Variants in COA5 observed in about 807,000 individuals in gnomAD.
COA5 encodes cytochrome c oxidase assembly factor 5, also known as protein C2orf64.
COA5 carries 11 observed loss-of-function variants against 11.8 expected under a neutral mutation model. The observed-to-expected ratio is 0.93, with a 90% CI of 0.59 to 1.54. COA5 has a LOEUF of 1.54. Ranked by LOEUF, COA5 falls within the 40% of genes most tolerant of loss-of-function variation. The probability of loss-of-function intolerance (pLI) is 0.00; values close to 1 mark genes in which losing one functional copy is unlikely to be tolerated. For synonymous variants in COA5, 38 were observed against 37.5 expected (o/e 1.01, Z -0.05); for missense variants, 87 against 89.2 (o/e 0.97, Z 0.10).
intron 2 of COA5, among the ~76,000 whole-genome samples, chr2:98,601,532 G>A (rs1700641637): frequency 6.6e-6 from 1 of 152,312 alleles, no homozygotes; most frequent in African/African-American, 2.4e-5. Flanking sequence ...AAGCCTCACA[G>A]TGCAGTCATT....
intron 1 of COA5, among the ~76,000 whole-genome samples, chr2:98,607,875 A>G (rs1158549088): frequency 1.3e-5 from 2 of 152,268 alleles, no homozygotes; most frequent in African/African-American, 2.4e-5. Flanking sequence ...AGTCAAACTG[A>G]GCACACATTG....
chr2:98,607,333 A>G (rs1700720797), intron 1 of COA5, among the ~76,000 whole-genome samples: 1 of 152,216 alleles, frequency 6.6e-6, no homozygotes, highest in South Asian at 2.1e-4. Flanking sequence ...GCCTGAAAAC[A>G]ACGGTACTTC....
chr2:98,608,474 G>T lies in COA5; in HGVS notation c.-69C>A. The T allele has an allele frequency of 8.1e-7, 1 of 1,233,798 alleles. No homozygotes were observed. Among genetic ancestry groups the T allele is most frequent in the East Asian group, 2.5e-5 (1 of 39,636 alleles). The allele number at this position is 1,233,798 out of a possible 1,614,324, so 76.4% of individuals were successfully genotyped here. ...CAACACTTGCAACCGGGTCGGGAGC[G>T]AGCGAGGCCCCAGTCTCAGGGGACC... On this transcript the variant is annotated 5_prime_UTR_variant, in exon 1 of 3. Transcript: ENST00000328709.
At chr2:98,608,149 C>T in intron 1 of COA5, 158 bp downstream of exon 1, 1 of 646,102 alleles carries the variant, frequency 1.5e-6, no homozygotes, top group Non-Finnish European at 2.8e-6. Flanking sequence ...GGGGCTCCGA[C>T]AGCTCAGTGG....
intron 2 of COA5, chr2:98,602,422 GGA>G (rs1700653794): frequency 6.6e-6 from 1 of 152,200 alleles, no homozygotes; most frequent in African/African-American, 2.4e-5. Flanking sequence ...ACTCTGGGAG[GGA>G]GAGGTGGGTG....
At position 98,600,661 on chromosome 2, in the gene COA5, T is replaced by C; in HGVS notation, c.*91A>G. The C allele has an allele frequency of 9.3e-7, 1 of 1,077,818 alleles. No individual in the cohort carries two copies. Among genetic ancestry groups the C allele is most frequent in the Non-Finnish European group, 1.4e-6 (1 of 712,082 alleles). The allele number at this position is 1,077,818 out of a possible 1,614,324, so 66.8% of individuals were successfully genotyped here. A position where few individuals can be genotyped will look rare whatever the true frequency, so the allele number is the denominator to read the frequency against. On this transcript the variant is annotated 3_prime_UTR_variant, in exon 3 of 3. Coordinates refer to ENST00000328709, the MANE Select transcript of COA5 (RefSeq NM_001008215.3). Reference sequence around the variant, plus strand: ...GAAATCTGGTCCAACCAAACAGATGTAGTAAAAAGTATGTTTCCTGTTTTG... The same window carrying C: ...GAAATCTGGTCCAACCAAACAGATGCAGTAAAAAGTATGTTTCCTGTTTTG...
At chr2:98,605,594 A>T (rs1700696700) in intron 1 of COA5, among the ~76,000 whole-genome samples, 1 of 152,224 alleles carries the variant, frequency 6.6e-6, no homozygotes, top group Non-Finnish European at 1.5e-5. Flanking sequence ...ATGCACTTGA[A>T]TCTATATTCT....
chr2:98,608,263 C>G, intron 1 of COA5, 44 bp downstream of exon 1: 1 of 1,460,742 alleles, frequency 6.8e-7, no homozygotes, highest in Non-Finnish European at 9.4e-7. Flanking sequence ...CCAGGCCTGC[C>G]TGGGACAGGG....
At chr2:98,607,379 A>C (rs765472345) in intron 1 of COA5, among the ~76,000 whole-genome samples, 20 of 152,210 alleles carry the variant, frequency 1.3e-4, no homozygotes, top group African/African-American at 4.8e-5. Context: ...TGGGCGAGAT[A>C]ATCTCTTAAA....
chr2:98,602,073 C>T (rs1275815115), intron 2 of COA5, among the ~76,000 whole-genome samples: 1 of 152,114 alleles, frequency 6.6e-6, no homozygotes, highest in Non-Finnish European at 1.5e-5. Context: ...ATTCACTGAG[C>T]ACTAGGTAAA....
chr2:98,602,196 AG>A (rs2106592642), intron 2 of COA5, among the ~76,000 whole-genome samples: 1 of 152,348 alleles, frequency 6.6e-6, no homozygotes, highest in Admixed American at 6.5e-5. Flanking sequence ...ACCTTCAATA[AG>A]ATGCACACTC....
chr2:98,606,638 C>T (rs575434407), intron 1 of COA5, among the ~76,000 whole-genome samples: 1 of 152,224 alleles, frequency 6.6e-6, no homozygotes, highest in South Asian at 2.1e-4. Flanking sequence ...GCTGTATCAA[C>T]CGCTGCAGAA....
intron 1 of COA5, among the ~76,000 whole-genome samples, chr2:98,606,937 C>G (rs1700715169): frequency 6.6e-6 from 1 of 152,162 alleles, no homozygotes; most frequent in South Asian, 2.1e-4. Flanking sequence ...TCAGATTTTC[C>G]CCACAACCAC....
chr2:98,608,353 T>C lies in COA5; in HGVS notation c.53A>G (p.Lys18Arg). The C allele has an allele frequency of 6.2e-7, 1 of 1,609,894 alleles. No homozygotes were observed. Among genetic ancestry groups the C allele is most frequent in the East Asian group, 2.2e-5 (1 of 44,802 alleles). Residue 18 changes from lysine (K) to arginine (R), a missense_variant, in exon 1 of 3, where the codon AAG becomes AGG. Coordinates refer to ENST00000328709, the MANE Select transcript of COA5 (RefSeq NM_001008215.3). ...KPQGGACAGL[K>R]EDLGACLLQS... is the part of the protein sequence containing the mutation. ...CAGCAGACACGCGCCCAGGTCCTCC[T>C]TCAGGCCCGCGCACGCGCCGCCCTG... is the stretch of plus-strand genomic sequence containing the variant.
intron 1 of COA5, among the ~76,000 whole-genome samples, chr2:98,607,739 G>A (rs906657593): frequency 1.3e-5 from 2 of 152,202 alleles, no homozygotes; most frequent in Non-Finnish European, 2.9e-5. Flanking sequence ...TGTAGCCGGG[G>A]AGTGAAGGAA....
rs763401691 is a variant in COA5, at chr2:98,608,462, C to A, written c.-57G>T. 4.4e-6 allele frequency: 6 copies of A among 1,361,886 alleles called. No individual in the cohort carries two copies. The highest frequency in any genetic ancestry group is 1.2e-5 in the South Asian group (1 of 81,256). 84.4% of individuals were successfully genotyped at this position (1,361,886 alleles called of 1,614,324 possible). A position where few individuals can be genotyped will look rare whatever the true frequency, so the allele number is the denominator to read the frequency against. Reference sequence around the variant, plus strand: ...TTTCTCCCACCGCAACACTTGCAACCGGGTCGGGAGCGAGCGAGGCCCCAG... The same window carrying A: ...TTTCTCCCACCGCAACACTTGCAACAGGGTCGGGAGCGAGCGAGGCCCCAG... On this transcript the variant is annotated 5_prime_UTR_variant, in exon 1 of 3. Transcript: ENST00000328709.
At chr2:98,606,777 T>C (rs1192823100) in intron 1 of COA5, among the ~76,000 whole-genome samples, 1 of 152,002 alleles carries the variant, frequency 6.6e-6, no homozygotes, top group African/African-American at 2.4e-5. Context: ...AACGTCTGGA[T>C]AAAATCCAGT....
chr2:98,608,467 C>A lies in COA5; in HGVS notation c.-62G>T. Reference sequence around the variant, plus strand: ...CCCACCGCAACACTTGCAACCGGGTCGGGAGCGAGCGAGGCCCCAGTCTCA... The same window carrying A: ...CCCACCGCAACACTTGCAACCGGGTAGGGAGCGAGCGAGGCCCCAGTCTCA... On this transcript the variant is annotated 5_prime_UTR_variant, in exon 1 of 3. Coordinates refer to ENST00000328709, the MANE Select transcript of COA5 (RefSeq NM_001008215.3). 7.6e-7 allele frequency: 1 copy of A among 1,312,346 alleles called. No homozygotes were observed. 81.3% of individuals were successfully genotyped at this position (1,312,346 alleles called of 1,614,324 possible). A position where few individuals can be genotyped will look rare whatever the true frequency, so the allele number is the denominator to read the frequency against.
chr2:98,608,449 C>G lies in COA5; in HGVS notation c.-44G>C. 7.1e-7 allele frequency: 1 copy of G among 1,418,440 alleles called. No homozygotes were observed. The highest frequency in any genetic ancestry group is 9.7e-7 in the Non-Finnish European group (1 of 1,029,702). The allele number at this position is 1,418,440 out of a possible 1,614,324, so 87.9% of individuals were successfully genotyped here. ...ATGCGGACGCGACTTTCTCCCACCG[C>G]AACACTTGCAACCGGGTCGGGAGCG... On this transcript the variant is annotated 5_prime_UTR_variant, in exon 1 of 3. Coordinates refer to ENST00000328709, the MANE Select transcript of COA5 (RefSeq NM_001008215.3).
Sources: allele counts gnomAD v4.1 joint callset (sites outside exome capture counted in the v4.1 genomes callset), GRCh38; gene constraint gnomAD v4.1.1; transcripts MANE v1.5; gene names NCBI Gene and HGNC (gene_info 2026-07-23, HGNC 2026-07-21).